Variants in CTNNA2 observed in about 807,000 individuals in gnomAD.
CTNNA2 encodes the protein catenin alpha-2.
In CTNNA2, 42 loss-of-function variants were observed where a neutral mutation model predicts 101.0. The ratio of observed to expected loss-of-function variants is 0.42; its 90% CI spans 0.32 to 0.54. The LOEUF (loss-of-function observed/expected upper bound fraction) is 0.54, where lower values mean the gene tolerates loss of function less well. Among genes scored for constraint, CTNNA2 ranks in the 20% least tolerant of loss-of-function variants. The pLI is 0.14. For synonymous variants in CTNNA2, 450 were observed against 456.4 expected (o/e 0.99, Z 0.18); for missense variants, 871 against 1,223.1 (o/e 0.71, Z 4.29).
At chr2:79,186,600 G>C (rs1572969089) in intron 1 of CTNNA2, among the ~76,000 whole-genome samples, 1 of 152,200 alleles carries the variant, frequency 6.6e-6, no homozygotes, top group East Asian at 1.9e-4. Flanking sequence ...TAGGTACAAT[G>C]AAAGACCTGT....
chr2:80,478,995 C>G (rs989852470), intron 9 of CTNNA2, among the ~76,000 whole-genome samples: 7 of 148,918 alleles, frequency 4.7e-5, no homozygotes, highest in African/African-American at 1.5e-4. Context: ...ATTGATTCTT[C>G]CAATCCATGA....
At chr2:79,202,727 C>CGTTT (rs200047453) in intron 2 of CTNNA2, among the ~76,000 whole-genome samples, 183 of 107,168 alleles carry the variant, frequency 1.7e-3, no homozygotes, top group East Asian at 2.9e-3. Flanking sequence ...TATGGTTCTA[C>CGTTT]GTTTCTTTGT....
intron 7 of CTNNA2, among the ~76,000 whole-genome samples, chr2:80,204,722 T>G (rs1045143802): frequency 6.6e-6 from 1 of 152,188 alleles, no homozygotes; most frequent in Non-Finnish European, 1.5e-5. Context: ...GCTTCCATGT[T>G]TTTGGGTATC....
intron 4 of CTNNA2, among the ~76,000 whole-genome samples, chr2:79,440,375 G>T (rs1406022811): frequency 1.3e-5 from 2 of 152,058 alleles, no homozygotes; most frequent in African/African-American, 4.8e-5. Context: ...GCGCTGGAGG[G>T]TATTCTCTCT....
chr2:79,690,930 G>C (rs1684253726), intron 2 of CTNNA2, among the ~76,000 whole-genome samples: 1 of 151,888 alleles, frequency 6.6e-6, no homozygotes, highest in Non-Finnish European at 1.5e-5. Context: ...GCATTTATGT[G>C]CATCCAATTT....
intron 7 of CTNNA2, among the ~76,000 whole-genome samples, chr2:79,942,477 T>C (rs1478384091): frequency 2.0e-5 from 3 of 152,154 alleles, no homozygotes; most frequent in Non-Finnish European, 4.4e-5. Flanking sequence ...GAAAACATTA[T>C]TGTAATAGGT....
intron 4 of CTNNA2, among the ~76,000 whole-genome samples, chr2:79,861,273 G>C (rs1338400716): frequency 2.0e-5 from 3 of 152,038 alleles, no homozygotes; most frequent in Non-Finnish European, 4.4e-5. Flanking sequence ...TATCTTTCAG[G>C]CCATATGTCA....
At chr2:79,491,247 T>C (rs1329317134) in intron 4 of CTNNA2, among the ~76,000 whole-genome samples, 1 of 152,110 alleles carries the variant, frequency 6.6e-6, no homozygotes, top group African/African-American at 2.4e-5. Context: ...TTGAAGCCCA[T>C]CACAAAATGA....
intron 2 of CTNNA2, among the ~76,000 whole-genome samples, chr2:79,656,455 A>G (rs1033916914): frequency 6.6e-6 from 1 of 152,110 alleles, no homozygotes; most frequent in African/African-American, 2.4e-5. Context: ...ATAAGGATGG[A>G]TAAGGGATGA....
chr2:79,403,324 T>A (rs967309201), intron 4 of CTNNA2, among the ~76,000 whole-genome samples: 2 of 151,962 alleles, frequency 1.3e-5, no homozygotes, highest in Non-Finnish European at 2.9e-5. Flanking sequence ...TCCATAAAAC[T>A]CACAAGAGTA....
intron 7 of CTNNA2, among the ~76,000 whole-genome samples, chr2:80,352,182 C>T (rs928747089): frequency 6.6e-6 from 1 of 152,082 alleles, no homozygotes; most frequent in Non-Finnish European, 1.5e-5. Flanking sequence ...AAAGTCAGGT[C>T]ATTTTAAAGC....
intron 4 of CTNNA2, among the ~76,000 whole-genome samples, chr2:79,388,574 G>A (rs1268189216): frequency 6.6e-6 from 1 of 152,128 alleles, no homozygotes; most frequent in Non-Finnish European, 1.5e-5. Context: ...GTAATGATGT[G>A]TAGGCTGGTT....
intron 7 of CTNNA2, among the ~76,000 whole-genome samples, chr2:79,930,271 A>T (rs1205585219): frequency 1.6e-4 from 2 of 12,310 alleles, no homozygotes; most frequent in African/African-American, 3.2e-4. Context: ...AGAAAGAAAG[A>T]AAGAAAGAGA....
intron 4 of CTNNA2, among the ~76,000 whole-genome samples, chr2:79,408,231 A>G (rs575551534): frequency 6.6e-6 from 1 of 151,970 alleles, no homozygotes; most frequent in South Asian, 2.1e-4. Context: ...TAGAGCCTGG[A>G]CCTTTGACAT....
intron 11 of CTNNA2, among the ~76,000 whole-genome samples, chr2:80,547,186 T>C (rs1573219398): frequency 6.6e-6 from 1 of 152,260 alleles, no homozygotes; most frequent in East Asian, 1.9e-4. Flanking sequence ...AACTGTGTAG[T>C]CAAATCTGTA....
At chr2:80,001,299 C>T (rs890038605) in intron 7 of CTNNA2, among the ~76,000 whole-genome samples, 2 of 152,122 alleles carry the variant, frequency 1.3e-5, no homozygotes, top group African/African-American at 2.4e-5. Context: ...TATGGCCAAA[C>T]TCAGAATTGT....
chr2:79,462,342 G>A (rs896789369), intron 4 of CTNNA2, among the ~76,000 whole-genome samples: 3 of 152,206 alleles, frequency 2.0e-5, no homozygotes, highest in Non-Finnish European at 4.4e-5. Flanking sequence ...TTTATCTAGA[G>A]ATTCAAAGAA....
chr2:79,626,619 ATGTGTGTG>A (rs71867416), intron 1 of CTNNA2, among the ~76,000 whole-genome samples: 104 of 142,488 alleles, frequency 7.3e-4, no homozygotes, highest in East Asian at 3.2e-3. Flanking sequence ...GTGTGTGTGT[ATGTGTGTG>A]TGTGTGTGTG....
At chr2:79,846,519 G>A (rs775903628) in intron 3 of CTNNA2, among the ~76,000 whole-genome samples, 4 of 152,182 alleles carry the variant, frequency 2.6e-5, no homozygotes, top group Non-Finnish European at 5.9e-5. Flanking sequence ...ATACACATAA[G>A]TGGAGTATCA....
Sources: allele counts gnomAD v4.1 joint callset (sites outside exome capture counted in the v4.1 genomes callset), GRCh38; gene constraint gnomAD v4.1.1; transcripts MANE v1.5; gene names NCBI Gene and HGNC (gene_info 2026-07-23, HGNC 2026-07-21).